MTOR: variants seen among roughly 807,000 people sequenced by gnomAD.
MTOR encodes mechanistic target of rapamycin kinase.
In MTOR, 70 loss-of-function variants were observed where a neutral mutation model predicts 319.8. The observed-to-expected ratio is 0.22, with a 90% CI of 0.18 to 0.27. The LOEUF (loss-of-function observed/expected upper bound fraction) is 0.27, where lower values mean the gene tolerates loss of function less well. MTOR is among the 10% of genes least tolerant of loss of function. MTOR has a pLI of 1.00. For missense variants in MTOR, 1,890 were observed against 3,274.4 expected (o/e 0.58, Z 10.32); for synonymous variants, 1,183 against 1,211.4 (o/e 0.98, Z 0.49).
At position 11,112,859 on chromosome 1, in the gene MTOR, C is replaced by T; in HGVS notation, c.7359G>A (p.Gln2453=). ...TCCCGTGGATGCACCTACCGACTGA[C>T]TGGCCAGCAGAGTAGGAATCCGTCC... ...RTRTDSYSAG[Q]SVEILDGVEL... Residue 2453 remains glutamine (Q), a synonymous_variant, in exon 54 of 58, where the codon CAG becomes CAA. Transcript: ENST00000361445. The T allele has an allele frequency of 6.2e-7, 1 of 1,614,242 alleles. No individual in the cohort carries two copies. Among genetic ancestry groups the T allele is most frequent in the Non-Finnish European group, 8.5e-7 (1 of 1,180,034 alleles).
In MTOR at chr1:11,258,414, G is replaced by A. The variant is rs1169022387; in HGVS notation, c.271+71C>T. On this transcript the variant is annotated intron_variant, in intron 3 of 57. Transcript: ENST00000361445. ...GCAAATATGAACTAGTATCCAGTAAGTGGCAGACACAGGGTGCAGTGGGCA... is the reference window on the plus strand; with the variant it reads ...GCAAATATGAACTAGTATCCAGTAAATGGCAGACACAGGGTGCAGTGGGCA... The A allele has an allele frequency of 1.9e-4, 190 of 1,026,912 alleles. 1 individual carries two copies. Among genetic ancestry groups the A allele is most frequent in the Non-Finnish European group, 2.5e-4 (171 of 677,262 alleles). The allele number at this position is 1,026,912 out of a possible 1,614,324, so 63.6% of individuals were successfully genotyped here. A position where few individuals can be genotyped will look rare whatever the true frequency, so the allele number is the denominator to read the frequency against.
At chr1:11,141,915 G>A (rs1161434148) in intron 34 of MTOR, among the ~76,000 whole-genome samples, 2 of 151,400 alleles carry the variant, frequency 1.3e-5, no homozygotes, top group Non-Finnish European at 2.9e-5. Flanking sequence ...GCAGAAGAAT[G>A]GCGTGAACTT....
At chr1:11,169,510 C>T (rs1045974719) in intron 28 of MTOR, among the ~76,000 whole-genome samples, 1 of 152,196 alleles carries the variant, frequency 6.6e-6, no homozygotes, top group Admixed American at 6.5e-5. Context: ...TTCCCCATGT[C>T]AGACTGATCA....
chr1:11,141,038 TTTC>T (rs1441530618), intron 34 of MTOR, among the ~76,000 whole-genome samples: 1 of 151,594 alleles, frequency 6.6e-6, no homozygotes, highest in Non-Finnish European at 1.5e-5. Context: ...TCTTAGATTC[TTTC>T]TTCTTCATTT....
At chr1:11,132,316 T>C (rs1643200201) in intron 38 of MTOR, 1 of 152,230 alleles carries the variant, frequency 6.6e-6, no homozygotes, top group Non-Finnish European at 1.5e-5. Flanking sequence ...ATTACTCTTA[T>C]GACAAAATGG....
intron 25 of MTOR, among the ~76,000 whole-genome samples, chr1:11,205,050 A>G (rs1646094930): frequency 6.6e-6 from 1 of 152,224 alleles, no homozygotes; most frequent in South Asian, 2.1e-4. Context: ...CCTCTGCATT[A>G]GAACACCAGC....
intron 23 of MTOR, among the ~76,000 whole-genome samples, chr1:11,211,477 TCTG>T (rs751372469): frequency 1.6e-4 from 25 of 152,308 alleles, no homozygotes; most frequent in Non-Finnish European, 3.1e-4. Flanking sequence ...AAGCGATCCC[TCTG>T]CCTTAGCCTC....
At chr1:11,108,160 C>A (rs1299866226) in intron 57 of MTOR, 21 bp downstream of exon 57, 1 of 1,600,206 alleles carries the variant, frequency 6.2e-7, no homozygotes, top group South Asian at 1.1e-5. Flanking sequence ...TTAACAAAGT[C>A]ACTTTGAGAG....
In MTOR at chr1:11,114,369, C is replaced by T. The variant is rs1390645065; in HGVS notation, c.7249G>A (p.Val2417Met). The T allele has an allele frequency of 3.1e-6, 5 of 1,614,054 alleles. No individual in the cohort carries two copies. The highest frequency in any genetic ancestry group is 1.1e-5 in the South Asian group (1 of 91,088). The part of the protein sequence containing the change: ...LREHKDSVMA[V>M]LEAFVYDPLL... ...GGGTCATAGACAAAGGCTTCCAGCA[C>T]GGCCATGACACTGTCCTTGTGCTCT... Residue 2417 changes from valine to methionine, a missense_variant, in exon 53 of 58, where the codon GTG becomes ATG. Physicochemically the swap from Val to Met is conservative, Grantham distance 21. Around this residue, in one of 15 missense-constraint regions of MTOR, gnomAD observed 23 missense variants for 81.7 expected, o/e 0.28. Transcript: ENST00000361445.
rs368547407 is a variant in MTOR at position 11,107,459 on chromosome 1, C to T, written c.*26G>A. The T allele has an allele frequency of 3.7e-5, 60 of 1,606,928 alleles. No individual in the cohort carries two copies. The African/African-American group carries it at 6.2e-4, about 17-fold the overall frequency. ...TAAAGTACAAAAGCCTCAGAAAAAACGTGATGGGCACATCTGGGCCTCCAG... is the reference window on the plus strand; with the variant it reads ...TAAAGTACAAAAGCCTCAGAAAAAATGTGATGGGCACATCTGGGCCTCCAG... On this transcript the variant is annotated 3_prime_UTR_variant, in exon 58 of 58. Transcript: ENST00000361445.
At chr1:11,198,002 T>G (rs964425252) in intron 28 of MTOR, among the ~76,000 whole-genome samples, 1 of 152,234 alleles carries the variant, frequency 6.6e-6, no homozygotes, top group African/African-American at 2.4e-5. Flanking sequence ...TTTAAGTTTT[T>G]ATGATTGTAT....
intron 54 of MTOR, chr1:11,111,260 C>A (rs980715266): frequency 3.6e-5 from 15 of 420,956 alleles, no homozygotes; most frequent in Non-Finnish European, 6.2e-5. Flanking sequence ...GGGCAGATCA[C>A]TTGAGGTCAG....
chr1:11,257,129 C>T lies in MTOR; in HGVS notation c.308G>A (p.Arg103Gln), dbSNP rs763230714. 4 of 1,613,676 alleles carry T rather than the reference C, an allele frequency of 2.5e-6. No individual in the cohort carries two copies. Among genetic ancestry groups the T allele is most frequent in the South Asian group, 2.2e-5 (2 of 90,948 alleles). Residue 103 changes from arginine to glutamine, a missense_variant, in exon 4 of 58, where the codon CGA becomes CAA. This residue lies in a region of MTOR where 81 missense variants were observed against 203.6 expected (regional missense o/e 0.40). Transcript: ENST00000361445. ...LIGVEGGNAT[R>Q]IGRFANYLRN... ...AAGATAGTTGGCAAATCTGCCAATT[C>T]GGGTGGCATTCCCACCTTCCACTCC...
intron 30 of MTOR, among the ~76,000 whole-genome samples, chr1:11,154,680 C>T (rs1644262424): frequency 6.6e-6 from 1 of 151,906 alleles, no homozygotes; most frequent in Non-Finnish European, 1.5e-5. Context: ...CCTATCCCTA[C>T]AAAAAATAAT....
At chr1:11,169,153 TCCA>T (rs1489435895) in intron 28 of MTOR, among the ~76,000 whole-genome samples, 3 of 152,210 alleles carry the variant, frequency 2.0e-5, no homozygotes, top group East Asian at 1.9e-4. Flanking sequence ...AAATCCAAAT[TCCA>T]CCACATTTCT....
chr1:11,233,470 C>T lies in MTOR; in HGVS notation c.2349G>A (p.Leu783=). The T allele has an allele frequency of 6.2e-7, 1 of 1,613,958 alleles. No individual in the cohort carries two copies. The highest frequency in any genetic ancestry group is 2.2e-5 in the East Asian group (1 of 44,872). ...EPILKALILK[L]KDPDPDPNPG... Reference sequence around the variant, plus strand: ...GGTTTGGATCAGGGTCTGGATCTTTCAGTTTCAAAATTAATGCCTAGAGAA... The same window carrying T: ...GGTTTGGATCAGGGTCTGGATCTTTTAGTTTCAAAATTAATGCCTAGAGAA... The change falls in exon 15 of 58, where the codon CTG becomes CTA. Residue 783 remains leucine (L), a synonymous_variant. Coordinates refer to ENST00000361445, the MANE Select transcript of MTOR (RefSeq NM_004958.4).
intron 49 of MTOR, among the ~76,000 whole-genome samples, chr1:11,120,736 TATA>T (rs1378977688): frequency 5.3e-5 from 8 of 152,302 alleles, no homozygotes; most frequent in African/African-American, 1.9e-4. Flanking sequence ...CTTGGGTACA[TATA>T]ATACCTAATA....
At chr1:11,185,745 C>T (rs75394646) in intron 28 of MTOR, among the ~76,000 whole-genome samples, 74 of 152,204 alleles carry the variant, frequency 4.9e-4, no homozygotes, top group Middle Eastern at 3.4e-3. Context: ...CTGTGATGGA[C>T]TTGGACTTTC....
rs543586546 is a variant in MTOR at position 11,135,788 on chromosome 1, G to A, written c.5131-1322C>T. ...GCGGAGGTTGTAGTGGGCCAAGATC[G>A]TGCCACTGCATTCCAACCTGGGCAA... On this transcript the variant is annotated intron_variant, in intron 36 of 57. Coordinates refer to ENST00000361445, the MANE Select transcript of MTOR (RefSeq NM_004958.4). Among the ~76,000 whole-genome samples the A allele has an allele frequency of 4.6e-5, 7 of 150,648 alleles. No individual in the cohort carries two copies. In the South Asian group the frequency reaches 8.4e-4, roughly 18 times the overall value.
Sources: allele counts gnomAD v4.1 joint callset (sites outside exome capture counted in the v4.1 genomes callset), GRCh38; gene constraint gnomAD v4.1.1; regional missense constraint gnomAD v4.1.1; transcripts MANE v1.5; gene names NCBI Gene and HGNC (gene_info 2026-07-23, HGNC 2026-07-21).